Variants in DENND6A observed in about 807,000 individuals in gnomAD.
DENND6A encodes the protein DENN domain containing 6A.
DENND6A carries 43 observed loss-of-function variants against 95.5 expected under a neutral mutation model. That is an observed-to-expected ratio of 0.45 (90% CI 0.35 to 0.58). DENND6A has a LOEUF of 0.58. Among genes scored for constraint, DENND6A ranks in the 20% least tolerant of loss-of-function variants. DENND6A has a pLI of 0.00. For synonymous variants in DENND6A, 257 were observed against 260.4 expected, an observed-to-expected ratio of 0.99 and a Z score of 0.13; for missense variants, 574 against 736.0, an observed-to-expected ratio of 0.78 and a Z score of 2.55.
At chr3:57,691,355 T>C (rs1423676428) in intron 1 of DENND6A, among the ~76,000 whole-genome samples, 1 of 152,238 alleles carries the variant, frequency 6.6e-6, no homozygotes, top group Non-Finnish European at 1.5e-5. Context: ...AAAGTATTTA[T>C]AGAATGCCAC....
intron 1 of DENND6A, among the ~76,000 whole-genome samples, chr3:57,673,213 CAAAAA>C (rs386396751): frequency 6.2e-4 from 44 of 70,698 alleles, no homozygotes; most frequent in South Asian, 4.0e-3. Flanking sequence ...CATTTCGTAT[CAAAAA>C]AAAAAAAAAA....
intron 9 of DENND6A, among the ~76,000 whole-genome samples, chr3:57,649,311 C>G (rs1224231536): frequency 2.0e-5 from 3 of 151,976 alleles, no homozygotes; most frequent in Non-Finnish European, 2.9e-5. Flanking sequence ...GCACTAGTAC[C>G]TCACTCCTGC....
At chr3:57,656,249 G>C (rs1223664937) in intron 9 of DENND6A, among the ~76,000 whole-genome samples, 2 of 152,006 alleles carry the variant, frequency 1.3e-5, no homozygotes, top group Non-Finnish European at 2.9e-5. Context: ...ATCTTTTCCA[G>C]AACATCATAT....
chr3:57,656,395 T>C (rs2071326747), intron 9 of DENND6A, among the ~76,000 whole-genome samples: 1 of 152,226 alleles, frequency 6.6e-6, no homozygotes, highest in Non-Finnish European at 1.5e-5. Flanking sequence ...CCATGTGCAT[T>C]CATGTATTAC....
intron 3 of DENND6A, among the ~76,000 whole-genome samples, chr3:57,667,039 A>AT (rs1468011085): frequency 1.3e-5 from 2 of 152,098 alleles, no homozygotes; most frequent in Non-Finnish European, 2.9e-5. Flanking sequence ...ACATAATTTT[A>AT]TTTTTTTGAG....
intron 1 of DENND6A, 50 bp downstream of exon 1, chr3:57,692,732 C>T: frequency 7.3e-7 from 1 of 1,377,006 alleles, no homozygotes; most frequent in Middle Eastern, 2.1e-4. Context: ...TTGCTGCAGC[C>T]GCCCCGGCGC....
chr3:57,631,138 G>A, intron 15 of DENND6A, 160 bp from the exon 16 acceptor site: 1 of 602,540 alleles, frequency 1.7e-6, no homozygotes, highest in Non-Finnish European at 2.9e-6. Flanking sequence ...AATTTAGACT[G>A]ACTTGGGAAG....
In DENND6A at chr3:57,666,107, T is replaced by A. The variant is rs990162396; in HGVS notation, c.432+16A>T. The A allele has an allele frequency of 4.4e-6, 7 of 1,602,008 alleles. No homozygotes were observed. In the African/African-American group the frequency reaches 6.7e-5, roughly 15 times the overall value. The stretch of plus-strand genomic sequence containing the variant: ...TTCCTCTCACATGGACATTTTCCTA[T>A]GACTACTTTTCCAACCTTTAAGTAA... On this transcript the variant is annotated intron_variant, in intron 4 of 19. Transcript: ENST00000311128.
At chr3:57,672,017 C>T (rs923091149) in intron 3 of DENND6A, among the ~76,000 whole-genome samples, 10 of 152,164 alleles carry the variant, frequency 6.6e-5, no homozygotes, top group African/African-American at 2.4e-4. Context: ...TCAACCTCTT[C>T]ACTATTTTAA....
intron 1 of DENND6A, among the ~76,000 whole-genome samples, chr3:57,682,820 T>C (rs866492472): frequency 1.2e-3 from 180 of 152,174 alleles, no homozygotes; most frequent in African/African-American, 4.0e-3. Flanking sequence ...GGATTACAGG[T>C]GTGCAACATC....
chr3:57,662,752 A>G (rs557429152), intron 5 of DENND6A, among the ~76,000 whole-genome samples: 100 of 152,142 alleles, frequency 6.6e-4, no homozygotes, highest in African/African-American at 2.4e-3. Flanking sequence ...TAGCACAGAG[A>G]GCAAAAATTC....
chr3:57,686,303 A>G (rs905806086), intron 1 of DENND6A, among the ~76,000 whole-genome samples: 3 of 152,234 alleles, frequency 2.0e-5, no homozygotes, highest in Non-Finnish European at 2.9e-5. Context: ...ACTAAAGTTT[A>G]TATCATAAAA....
chr3:57,631,278 C>T (rs1443189408), intron 15 of DENND6A: 1 of 235,582 alleles, frequency 4.2e-6, no homozygotes, highest in Non-Finnish European at 8.2e-6. Flanking sequence ...CTCACTACAA[C>T]CTCTGCCCCC....
At chr3:57,692,625 T>C (rs989069425) in intron 1 of DENND6A, among the ~76,000 whole-genome samples, 157 bp downstream of exon 1, 1 of 152,174 alleles carries the variant, frequency 6.6e-6, no homozygotes, top group African/African-American at 2.4e-5. Flanking sequence ...GGAAGTGCCG[T>C]AGGACCGCAG....
chr3:57,660,787 G>T lies in DENND6A; in HGVS notation c.672C>A (p.His224Gln), dbSNP rs776676984. 6.2e-7 allele frequency: 1 copy of T among 1,610,146 alleles called. No homozygotes were observed. The highest frequency in any genetic ancestry group is 1.3e-5 in the African/African-American group (1 of 74,894). The change falls in exon 7 of 20, where the codon CAC becomes CAA. Residue 224 changes from histidine (H) to glutamine (Q), a missense_variant. His to Gln is a conservative substitution (Grantham distance 24). Around this residue, in one of 2 missense-constraint regions of DENND6A, gnomAD observed 452 missense variants for 630.9 expected, o/e 0.72. Transcript: ENST00000311128. ...TCATTACCACCCCCATGATTGGCAG[G>T]TGTAATGTTTTCCCTGGCACTGGGG... ...WPAPVPGKTL[H>Q]LPIMGVVMKV...
intron 8 of DENND6A, among the ~76,000 whole-genome samples, chr3:57,658,012 G>A (rs1011579692): frequency 8.5e-5 from 13 of 152,054 alleles, no homozygotes; most frequent in African/African-American, 1.9e-4. Context: ...CAAGGCGGGC[G>A]GATCACAAGG....
In DENND6A at chr3:57,625,572, T is replaced by A. The variant is rs994603718; in HGVS notation, c.*2642A>T. Reference sequence around the variant, plus strand: ...GCATTACATAATACCCTTAAAGCAGTGATTCCTCCTGATGCTGGTAGAGAT... The same window carrying A: ...GCATTACATAATACCCTTAAAGCAGAGATTCCTCCTGATGCTGGTAGAGAT... On this transcript the variant is annotated 3_prime_UTR_variant, in exon 20 of 20. Transcript: ENST00000311128. 6.6e-6 allele frequency: 1 copy of A among 152,512 alleles called. No homozygotes were observed. Among genetic ancestry groups the A allele is most frequent in the African/African-American group, 2.4e-5 (1 of 41,410 alleles). The allele number at this position is 152,512 out of a possible 1,614,324, so 9.4% of individuals were successfully genotyped here. A position where few individuals can be genotyped will look rare whatever the true frequency, so the allele number is the denominator to read the frequency against.
At chr3:57,684,298 A>C (rs2077192531) in intron 1 of DENND6A, among the ~76,000 whole-genome samples, 2 of 152,028 alleles carry the variant, frequency 1.3e-5, no homozygotes, top group South Asian at 4.2e-4. Flanking sequence ...CGTCGTCTCT[A>C]CTAAAAATAC....
At chr3:57,656,888 G>C (rs908474275) in intron 9 of DENND6A, among the ~76,000 whole-genome samples, 1 of 152,192 alleles carries the variant, frequency 6.6e-6, no homozygotes, top group Non-Finnish European at 1.5e-5. Flanking sequence ...AACCTGGGAG[G>C]TGGAGGCTGC....
Sources: gnomAD v4.1 joint callset for allele counts (sites outside exome capture counted in the v4.1 genomes callset) on GRCh38, gnomAD v4.1.1 for gene constraint, gnomAD v4.1.1 regional missense constraint, MANE v1.5 for transcripts, NCBI Gene and HGNC (gene_info 2026-07-23, HGNC 2026-07-21) for gene names.